The following EPS8L2 variants were observed in gnomAD, a reference collection of about 807,000 sequenced individuals.
EPS8L2 encodes the protein epidermal growth factor receptor kinase substrate 8-like protein 2.
EPS8L2 carries 81 observed loss-of-function variants against 99.4 expected under a neutral mutation model. The ratio of observed to expected loss-of-function variants is 0.82; its 90% CI spans 0.68 to 0.98. The LOEUF is 0.98. EPS8L2 is among the 50% of genes least tolerant of loss of function. The probability of loss-of-function intolerance (pLI) is 0.00; values close to 1 mark genes in which losing one functional copy is unlikely to be tolerated. For missense variants in EPS8L2, 1,155 were observed against 968.8 expected (o/e 1.19, Z -2.55); for synonymous variants, 509 against 407.3 (o/e 1.25, Z -3.01).
At chr11:715,842 G>A (rs1038884575) in intron 4 of EPS8L2, among the ~76,000 whole-genome samples, 12 of 151,634 alleles carry the variant, frequency 7.9e-5, no homozygotes, top group East Asian at 3.9e-4. Context: ...GGATGGTCTC[G>A]ATCTCATGAC....
intron 14 of EPS8L2, 70 bp downstream of exon 14, chr11:722,875 G>A (rs1484463921): frequency 7.3e-5 from 61 of 837,848 alleles, no homozygotes; most frequent in Admixed American, 1.8e-4. Context: ...CTCCCCCCCA[G>A]CCCTGACACC....
chr11:724,228 C>T lies in EPS8L2; in HGVS notation c.1455-496C>T, dbSNP rs1862259863. ...AAAGCCAGGACCCCTCAGCCAGGGCCAGCCCCCCCGCGCTTTTGAGGTGCA... is the reference window on the plus strand; with the variant it reads ...AAAGCCAGGACCCCTCAGCCAGGGCTAGCCCCCCCGCGCTTTTGAGGTGCA... On this transcript the variant is annotated intron_variant, in intron 15 of 20. Coordinates refer to ENST00000318562, the MANE Select transcript of EPS8L2 (RefSeq NM_022772.4). This position sits in a 1 kb window ranked among gnomAD's most constrained non-coding sequence, Gnocchi z 5.5. Among the ~76,000 whole-genome samples, 1 of 152,178 alleles carries T rather than the reference C, an allele frequency of 6.6e-6. No individual in the cohort carries two copies. The highest frequency in any genetic ancestry group is 6.5e-5 in the Admixed American group (1 of 15,276).
intron 1 of EPS8L2, among the ~76,000 whole-genome samples, chr11:708,310 G>T (rs1464364566): frequency 6.6e-6 from 1 of 152,198 alleles, no homozygotes; most frequent in Non-Finnish European, 1.5e-5. Flanking sequence ...ATCAGGCTCT[G>T]TCCATCCCCC....
rs553890136 is a variant in EPS8L2, at chr11:710,076, G to A, written c.101-346G>A. On this transcript the variant is annotated intron_variant, in intron 3 of 20. Coordinates refer to ENST00000318562, the MANE Select transcript of EPS8L2 (RefSeq NM_022772.4). Reference sequence around the variant, plus strand: ...GACCTGGGAGGGCAGGGAGAGTGAAGCTGGCAGCTCTCAGAGTGGGAAGAA... The same window carrying A: ...GACCTGGGAGGGCAGGGAGAGTGAAACTGGCAGCTCTCAGAGTGGGAAGAA... 42 of 367,538 alleles carry A rather than the reference G, an allele frequency of 1.1e-4. No homozygotes were observed. In the Admixed American group the frequency reaches 1.6e-3, roughly 14 times the overall value. The allele number at this position is 367,538 out of a possible 1,614,324, so 22.8% of individuals were successfully genotyped here.
In EPS8L2 at chr11:721,953, G is replaced by A. The variant is rs761405492; in HGVS notation, c.946G>A (p.Asp316Asn). The change falls in exon 11 of 21, where the codon GAC (aspartate) becomes AAC (asparagine). Residue 316 changes from aspartate (D) to asparagine (N), a missense_variant. Coordinates refer to ENST00000318562, the MANE Select transcript of EPS8L2 (RefSeq NM_022772.4). ...GCCCCCCTCTGAGGGCGAGTTCATC[G>A]ACTGCTTCCAGAAAATCAAGCTGGC... ...ARPPSEGEFI[D>N]CFQKIKLAIN... is the part of the protein sequence containing the mutation. The A allele has an allele frequency of 5.0e-6, 8 of 1,602,642 alleles. No individual in the cohort carries two copies. Among genetic ancestry groups the A allele is most frequent in the South Asian group, 1.1e-5 (1 of 89,712 alleles).
In EPS8L2 at chr11:724,786, G is replaced by C; in HGVS notation, c.1517G>C (p.Arg506Pro). 4 of 1,613,620 alleles carry C rather than the reference G, an allele frequency of 2.5e-6. No individual in the cohort carries two copies. Among genetic ancestry groups the C allele is most frequent in the Non-Finnish European group, 3.4e-6 (4 of 1,179,946 alleles). ...YVKILYDFTA[R>P]NANELSVLKD... ...AAGATCCTGTATGACTTCACAGCCC[G>C]AAATGCCAACGAGCTATCGGTGCTC... The change falls in exon 16 of 21, where the codon CGA becomes CCA. Residue 506 changes from arginine to proline, a missense_variant. By Grantham distance (103) the Arg-to-Pro change is moderately radical. Transcript: ENST00000318562. This position sits in a 1 kb window ranked among gnomAD's most constrained non-coding sequence, Gnocchi z 5.5.
At position 721,235 on chromosome 11, in the gene EPS8L2, C is replaced by T. The variant is rs1214816378; in HGVS notation, c.700+29C>T. 4 of 1,536,792 alleles carry T rather than the reference C, an allele frequency of 2.6e-6. No individual in the cohort carries two copies. In the South Asian group the frequency reaches 3.6e-5, roughly 14 times the overall value. On this transcript the variant is annotated intron_variant, in intron 8 of 20. Transcript: ENST00000318562. The stretch of plus-strand genomic sequence containing the variant: ...GGCCGAGGGGCTGGAGGGGGCTCCA[C>T]AGGGCTCGTTGTGGGGGGCTCGGTG...
Position 722,088 on chromosome 11 carries a change from C to G in EPS8L2, c.985-3C>G. 6.2e-7 allele frequency: 1 copy of G among 1,613,108 alleles called. No homozygotes were observed. The highest frequency in any genetic ancestry group is 1.7e-5 in the Admixed American group (1 of 60,014). ...GCACCTGCTCACTTGTTCCCACCCC[C>G]AGGCAAAGCTGCAGAAGCACATCCA... On this transcript the variant is annotated splice_region_variant and splice_polypyrimidine_tract_variant and intron_variant, in intron 11 of 20. Coordinates refer to ENST00000318562, the MANE Select transcript of EPS8L2 (RefSeq NM_022772.4).
At position 723,265 on chromosome 11, in the gene EPS8L2, A is replaced by AT; in HGVS notation, c.1367dup (p.Arg457LysfsTer46). On this transcript the variant is annotated frameshift_variant, in exon 15 of 21. Transcript: ENST00000318562. LOFTEE classifies it high-confidence loss of function. ...GGTGAGTCCAGTGAGCCGACAGTCC[A>AT]TAAGAAACTCCCAGAAGCACAGCCC... 1 of 1,605,208 alleles carries AT rather than the reference A, an allele frequency of 6.2e-7. No individual in the cohort carries two copies. Among genetic ancestry groups the AT allele is most frequent in the Admixed American group, 1.7e-5 (1 of 58,396 alleles).
intron 12 of EPS8L2, 24 bp downstream of exon 12, chr11:722,189 G>T (rs773892502): frequency 1.2e-6 from 2 of 1,608,766 alleles, no homozygotes; most frequent in Non-Finnish European, 1.7e-6. Context: ...GGCGGCAGGG[G>T]CGCGCAGGGT....
chr11:726,586 G>A, intron 19 of EPS8L2, 33 bp from the exon 20 acceptor site: 1 of 1,533,058 alleles, frequency 6.5e-7, no homozygotes, highest in Non-Finnish European at 8.8e-7. Context: ...CTCGCTCACA[G>A]CGCGGCCCTG....
At position 726,646 on chromosome 11, in the gene EPS8L2, C is replaced by A; in HGVS notation, c.1962C>A (p.Thr654=). 1 of 1,556,916 alleles carries A rather than the reference C, an allele frequency of 6.4e-7. No homozygotes were observed. The highest frequency in any genetic ancestry group is 8.7e-7 in the Non-Finnish European group (1 of 1,150,854). ...TCGTGGAGAACCTGGGCATCCTGAC[C>A]GGGCCGCAGCTCTTCTCCCTCAACA... The part of the protein sequence containing the change: ...PRIVENLGIL[T]GPQLFSLNKE... Residue 654 remains threonine, a synonymous_variant, in exon 20 of 21, where the codon ACC becomes ACA. Coordinates refer to ENST00000318562, the MANE Select transcript of EPS8L2 (RefSeq NM_022772.4).
Position 726,907 on chromosome 11 carries a change from CA to C in EPS8L2, c.2077del (p.Ser693ValfsTer9). 2 of 1,612,916 alleles carry C rather than the reference CA, an allele frequency of 1.2e-6. No individual in the cohort carries two copies. Among genetic ancestry groups the C allele is most frequent in the Non-Finnish European group, 1.7e-6 (2 of 1,179,730 alleles). Reference sequence around the variant, plus strand: ...CCCCATTTCTCCTCCCTAGAAGCAGCAAAGTGGGTCGGAGCTGGAAGAACTC... The same window carrying C: ...CCCCATTTCTCCTCCCTAGAAGCAGCAAGTGGGTCGGAGCTGGAAGAACTC... ...TMQKAFLEKQ[Q>X]SGSELEELMN... On this transcript the variant is annotated frameshift_variant, in exon 21 of 21. Coordinates refer to ENST00000318562, the MANE Select transcript of EPS8L2 (RefSeq NM_022772.4). LOFTEE classifies it high-confidence loss of function.
At chr11:721,773 G>A in intron 10 of EPS8L2, 82 bp downstream of exon 10, 1 of 1,531,168 alleles carries the variant, frequency 6.5e-7, no homozygotes, top group Non-Finnish European at 9.0e-7. Flanking sequence ...ACGGGGCCAG[G>A]GACATCCATG....
Position 725,710 on chromosome 11 carries a change from T to C in EPS8L2, c.1561-18T>C. On this transcript the variant is annotated intron_variant, in intron 16 of 20. Transcript: ENST00000318562. ...GCAGAGCCTGGGTGTGGGGAGGGGC[T>C]GACGGCGCGCCCCGCAGGTGCTGGA... 7.6e-7 allele frequency: 1 copy of C among 1,314,782 alleles called. No individual in the cohort carries two copies. The highest frequency in any genetic ancestry group is 9.7e-7 in the Non-Finnish European group (1 of 1,034,204). The allele number at this position is 1,314,782 out of a possible 1,614,324, so 81.4% of individuals were successfully genotyped here.
rs773331780 is a variant in EPS8L2, at chr11:721,531, T to C, written c.769-34T>C. 19 of 1,526,850 alleles carry C rather than the reference T, an allele frequency of 1.2e-5. No homozygotes were observed. The African/African-American group carries it at 2.7e-4, about 21-fold the overall frequency. The allele number at this position is 1,526,850 out of a possible 1,614,324, so 94.6% of individuals were successfully genotyped here. On this transcript the variant is annotated intron_variant, in intron 9 of 20. Coordinates refer to ENST00000318562, the MANE Select transcript of EPS8L2 (RefSeq NM_022772.4). ...CAGCAAGGCGGGGCGGTGGGGAGTG[T>C]CAGGGGCTGACCCCTGACCCCCTCT... is the stretch of plus-strand genomic sequence containing the variant.
chr11:713,311 C>T (rs973862111), intron 4 of EPS8L2, among the ~76,000 whole-genome samples: 6 of 152,234 alleles, frequency 3.9e-5, no homozygotes, highest in African/African-American at 1.4e-4. Context: ...CACTCCAAAC[C>T]TGTGAATCCC....
Position 709,456 on chromosome 11 carries a change from G to GGCC in EPS8L2, c.44+5_44+6insGCC. 1 of 1,588,560 alleles carries GGCC rather than the reference G, an allele frequency of 6.3e-7. No individual in the cohort carries two copies. The highest frequency in any genetic ancestry group is 8.6e-7 in the Non-Finnish European group (1 of 1,164,924). ...CTGCTGCCCGGGTGCCACCAAGTGA[G>GGCC]CCCTCCCACCCATCCCGAATACCCC... is the stretch of plus-strand genomic sequence containing the variant. On this transcript the variant is annotated splice_donor_region_variant and intron_variant, in intron 2 of 20. Coordinates refer to ENST00000318562, the MANE Select transcript of EPS8L2 (RefSeq NM_022772.4).
chr11:726,613 C>T lies in EPS8L2; in HGVS notation c.1935-6C>T, dbSNP rs1355515285. The T allele has an allele frequency of 4.5e-6, 7 of 1,548,604 alleles. No homozygotes were observed. The highest frequency in any genetic ancestry group is 1.4e-5 in the African/African-American group (1 of 73,234). On this transcript the variant is annotated splice_region_variant and splice_polypyrimidine_tract_variant and intron_variant, in intron 19 of 20. Coordinates refer to ENST00000318562, the MANE Select transcript of EPS8L2 (RefSeq NM_022772.4). ...GCGGCCCTGACGCCCAACTGCCCGCCCCCAGGATCGTGGAGAACCTGGGCA... is the reference window on the plus strand; with the variant it reads ...GCGGCCCTGACGCCCAACTGCCCGCTCCCAGGATCGTGGAGAACCTGGGCA...
Sources: gnomAD v4.1 joint callset for allele counts (sites outside exome capture counted in the v4.1 genomes callset) on GRCh38, gnomAD v4.1.1 for gene constraint, Gnocchi (gnomAD v3.1) non-coding constraint, MANE v1.5 for transcripts, NCBI Gene and HGNC (gene_info 2026-07-23, HGNC 2026-07-21) for gene names.